Variants in MDM2 observed in about 807,000 individuals in gnomAD.
The protein encoded by MDM2 is E3 ubiquitin-protein ligase Mdm2.
A neutral mutation model predicts 64.3 loss-of-function variants in MDM2; 11 were observed. The ratio of observed to expected loss-of-function variants is 0.17; its 90% CI spans 0.11 to 0.28. MDM2 has a LOEUF of 0.28. MDM2 is among the 10% of genes least tolerant of loss of function. The pLI is 1.00. For missense variants in MDM2, 388 were observed against 577.1 expected (o/e 0.67, Z 3.36); for synonymous variants, 194 against 192.9 (o/e 1.01, Z -0.05).
At chr12:68,809,059 G>C in intron 1 of MDM2, 149 bp from the exon 2 acceptor site, 1 of 1,497,474 alleles carries the variant, frequency 6.7e-7, no homozygotes, top group Non-Finnish European at 8.8e-7. Context: ...GGGCACGGAC[G>C]CACGCCACTT....
At position 68,826,543 on chromosome 12, in the gene MDM2, G is replaced by C. The variant is rs538178819; in HGVS notation, c.523+1892G>C. Among the ~76,000 whole-genome samples, 5 of 151,590 alleles carry C rather than the reference G, an allele frequency of 3.3e-5. No individual in the cohort carries two copies. In the East Asian group the frequency reaches 9.7e-4, roughly 29 times the overall value. On this transcript the variant is annotated intron_variant, in intron 7 of 10. Coordinates refer to ENST00000258149, the MANE Select transcript of MDM2 (RefSeq NM_002392.6). ...AGGCGCCTGTAATCCCAGCTACTTG[G>C]GAGGCTGAGGCAGGAGAATCGCTTG...
downstream of MDM2, chr12:68,848,527 A>C (rs1884484118): frequency 2.0e-5 from 3 of 152,202 alleles, no homozygotes; most frequent in African/African-American, 7.2e-5. Flanking sequence ...GGCAAAAAAG[A>C]AGCATTCTAA....
chr12:68,827,012 TAA>T (rs1382467005), intron 7 of MDM2, among the ~76,000 whole-genome samples: 1 of 151,990 alleles, frequency 6.6e-6, no homozygotes, highest in East Asian at 1.9e-4. Flanking sequence ...CCGTCTCTAC[TAA>T]AAATACAAAA....
chr12:68,809,990 C>T (rs765625056), intron 2 of MDM2, among the ~76,000 whole-genome samples: 6 of 151,978 alleles, frequency 3.9e-5, no homozygotes, highest in Non-Finnish European at 2.9e-5. Flanking sequence ...ACATGCATCC[C>T]GTGTGACTAT....
At chr12:68,846,183 G>C (rs1026461873), downstream of MDM2, 1 of 152,192 alleles carries the variant, frequency 6.6e-6, no homozygotes. Context: ...TCGAACTCCT[G>C]ACCTCATGAT....
At chr12:68,808,929 G>C in intron 1 of MDM2, 1 of 1,373,906 alleles carries the variant, frequency 7.3e-7, no homozygotes, top group Admixed American at 3.3e-5. Flanking sequence ...AGCTGGTCAA[G>C]TTCAGACACG....
chr12:68,836,064 A>T, intron 9 of MDM2, 80 bp downstream of exon 9: 1 of 1,225,248 alleles, frequency 8.2e-7, no homozygotes, highest in Non-Finnish European at 1.1e-6. Flanking sequence ...GATTGAAATA[A>T]TATTATTCAG....
At chr12:68,811,650 G>A (rs548551423) in intron 2 of MDM2, among the ~76,000 whole-genome samples, 1 of 147,020 alleles carries the variant, frequency 6.8e-6, no homozygotes, top group Non-Finnish European at 1.5e-5. Context: ...TGTTGCCCAG[G>A]CTGGAGTGCA....
At chr12:68,838,168 C>G (rs1387091314) in intron 10 of MDM2, among the ~76,000 whole-genome samples, 1 of 152,194 alleles carries the variant, frequency 6.6e-6, no homozygotes, top group Non-Finnish European at 1.5e-5. Flanking sequence ...AATGAATAGT[C>G]TATCTTTATT....
chr12:68,828,794 G>A lies in MDM2; in HGVS notation c.547G>A (p.Gly183Ser), dbSNP rs372899015. The A allele has an allele frequency of 6.2e-7, 1 of 1,613,682 alleles. No homozygotes were observed. The highest frequency in any genetic ancestry group is 1.3e-5 in the African/African-American group (1 of 74,854). Residue 183 changes from glycine (G) to serine (S), a missense_variant, in exon 8 of 11, where the codon GGT becomes AGT. Coordinates refer to ENST00000258149, the MANE Select transcript of MDM2 (RefSeq NM_002392.6). ...ETEENSDELS[G>S]ERQRKRHKSD... ...AGAAGAAAATTCAGATGAATTATCT[G>A]GTGAACGACAAAGAAAACGCCACAA... is the stretch of plus-strand genomic sequence containing the variant.
chr12:68,808,621 C>A, intron 1 of MDM2, 130 bp downstream of exon 1: 1 of 1,337,400 alleles, frequency 7.5e-7, no homozygotes. Flanking sequence ...GGGCGCGGGG[C>A]GCGGGGCATG....
intron 10 of MDM2, among the ~76,000 whole-genome samples, chr12:68,838,722 G>T (rs1160785438): frequency 2.0e-5 from 3 of 152,174 alleles, no homozygotes; most frequent in African/African-American, 7.2e-5. Context: ...CAGAGTAAAA[G>T]ATCCCATAGA....
intron 10 of MDM2, among the ~76,000 whole-genome samples, chr12:68,838,256 T>C (rs534682093): frequency 2.6e-5 from 4 of 152,288 alleles, no homozygotes; most frequent in East Asian, 1.9e-4. Flanking sequence ...TTTTCACTTG[T>C]TAAATGTCCT....
At chr12:68,846,672 C>T (rs955348033), downstream of MDM2, 1 of 152,150 alleles carries the variant, frequency 6.6e-6, no homozygotes, top group African/African-American at 2.4e-5. Flanking sequence ...GATTTTATCT[C>T]TGATGTTCTA....
intron 10 of MDM2, among the ~76,000 whole-genome samples, chr12:68,838,993 C>G (rs1883524480): frequency 6.6e-6 from 1 of 152,110 alleles, no homozygotes; most frequent in Non-Finnish European, 1.5e-5. Context: ...TCACTACAGT[C>G]AAGCAAATTA....
In MDM2 at chr12:68,844,024, A is replaced by C. The variant is rs1884046039; in HGVS notation, c.*4175A>C. On this transcript the variant is annotated 3_prime_UTR_variant, in exon 11 of 11. Coordinates refer to ENST00000258149, the MANE Select transcript of MDM2 (RefSeq NM_002392.6). ...GAGGAGTATCGGTAGCATAAATGTG[A>C]TTATAAACATAGTACACTTGATATA... is the stretch of plus-strand genomic sequence containing the variant. 1 of 207,146 alleles carries C rather than the reference A, an allele frequency of 4.8e-6. No homozygotes were observed. Among genetic ancestry groups the C allele is most frequent in the Admixed American group, 5.9e-5 (1 of 16,842 alleles). 12.8% of individuals were successfully genotyped at this position (207,146 alleles called of 1,614,324 possible). A position where few individuals can be genotyped will look rare whatever the true frequency, so the allele number is the denominator to read the frequency against.
In MDM2 at chr12:68,844,539, T is replaced by C. The variant is rs768293562; in HGVS notation, c.*4690T>C. ...TTTGGGCTAGCCACCGTACCACTTG[T>C]CAGCGTGAAAAGTAAGATTGTAATT... is the stretch of plus-strand genomic sequence containing the variant. On this transcript the variant is annotated 3_prime_UTR_variant, in exon 11 of 11. Coordinates refer to ENST00000258149, the MANE Select transcript of MDM2 (RefSeq NM_002392.6). 8.3e-5 allele frequency: 19 copies of C among 228,226 alleles called. No individual in the cohort carries two copies. Among genetic ancestry groups the C allele is most frequent in the Non-Finnish European group, 1.5e-4 (17 of 114,970 alleles). The allele number at this position is 228,226 out of a possible 1,614,324, so 14.1% of individuals were successfully genotyped here. A position where few individuals can be genotyped will look rare whatever the true frequency, so the allele number is the denominator to read the frequency against.
At position 68,810,551 on chromosome 12, in the gene MDM2, C is replaced by G. The variant is rs183948466; in HGVS notation, c.99+1259C>G. On this transcript the variant is annotated intron_variant, in intron 2 of 10. Transcript: ENST00000258149. ...ATCTCGGCTCACTGCAATCTCCGTT[C>G]CCCGGGTTCACGCCATTCCCCTGCC... 6.1e-3 allele frequency among the ~76,000 whole-genome samples: 922 copies of G among 151,032 alleles called. 12 individuals carry two copies. The highest frequency in any genetic ancestry group is 0.021 in the African/African-American group (870 of 41,190).
Position 68,839,529 on chromosome 12 carries a change from T to G in MDM2, c.1174T>G (p.Ser392Ala). ...AAATGATGATAAAATTACACAAGCT[T>G]CACAATCACAAGAAAGTGAAGACTA... ...EENDDKITQA[S>A]QSQESEDYSQ... Residue 392 changes from serine to alanine, a missense_variant, in exon 11 of 11, where the codon TCA becomes GCA. This residue lies in a region of MDM2 where 138 missense variants were observed against 143.7 expected (regional missense o/e 0.96). Transcript: ENST00000258149. 1 of 1,613,820 alleles carries G rather than the reference T, an allele frequency of 6.2e-7. No individual in the cohort carries two copies. The highest frequency in any genetic ancestry group is 8.5e-7 in the Non-Finnish European group (1 of 1,179,982).
Sources: gnomAD v4.1 joint callset for allele counts (sites outside exome capture counted in the v4.1 genomes callset) on GRCh38, gnomAD v4.1.1 for gene constraint, gnomAD v4.1.1 regional missense constraint, MANE v1.5 for transcripts, NCBI Gene and HGNC (gene_info 2026-07-23, HGNC 2026-07-21) for gene names.